Variants in SORCS3 observed in about 807,000 individuals in gnomAD.
SORCS3 encodes VPS10 domain-containing receptor SorCS3.
Under a neutral mutation model 146.3 loss-of-function variants are expected in SORCS3, and 57 were observed. That is an observed-to-expected ratio of 0.39 (90% confidence interval 0.31 to 0.49). The LOEUF (loss-of-function observed/expected upper bound fraction) is 0.49, where lower values mean the gene tolerates loss of function less well. Ranked by LOEUF, SORCS3 falls within the 20% of genes least tolerant of loss-of-function variation. SORCS3 has a pLI of 0.92. For missense variants in SORCS3, 1,341 were observed against 1,575.5 expected (o/e 0.85, Z 2.52); for synonymous variants, 653 against 618.5 (o/e 1.06, Z -0.83).
chr10:104,969,469 T>C (rs1468035271), intron 3 of SORCS3, among the ~76,000 whole-genome samples: 5 of 152,112 alleles, frequency 3.3e-5, no homozygotes, highest in Non-Finnish European at 5.9e-5. Flanking sequence ...CTATATCACA[T>C]GATTTGTATG....
intron 2 of SORCS3, among the ~76,000 whole-genome samples, chr10:104,853,675 T>C (rs956967682): frequency 1.3e-5 from 2 of 152,214 alleles, no homozygotes; most frequent in African/African-American, 4.8e-5. Flanking sequence ...AAGAGTTTCC[T>C]GGCCCAGCTG....
At chr10:104,820,425 A>G (rs1295017689) in intron 1 of SORCS3, among the ~76,000 whole-genome samples, 3 of 152,244 alleles carry the variant, frequency 2.0e-5, no homozygotes, top group Non-Finnish European at 4.4e-5. Flanking sequence ...ATGTTTATAA[A>G]CATCTACTAT....
chr10:105,181,698 C>T (rs1035001786), intron 14 of SORCS3, among the ~76,000 whole-genome samples: 1 of 152,152 alleles, frequency 6.6e-6, no homozygotes, highest in Non-Finnish European at 1.5e-5. Context: ...GTAATGGGAA[C>T]CATCTAGTCT....
At chr10:105,183,509 T>C (rs1037525277) in intron 14 of SORCS3, among the ~76,000 whole-genome samples, 2 of 152,196 alleles carry the variant, frequency 1.3e-5, no homozygotes, top group Non-Finnish European at 2.9e-5. Flanking sequence ...CTCTAGTAAC[T>C]GCATCCGATA....
At chr10:105,086,614 T>G (rs1257960836) in intron 5 of SORCS3, among the ~76,000 whole-genome samples, 1 of 152,192 alleles carries the variant, frequency 6.6e-6, no homozygotes, top group Non-Finnish European at 1.5e-5. Context: ...AGGCAGAGAC[T>G]TTTCTTTCTT....
Position 104,762,592 on chromosome 10 carries a change from T to C in SORCS3, c.628-80200T>C, listed in dbSNP as rs562494770. 3.5e-4 allele frequency among the ~76,000 whole-genome samples: 53 copies of C among 152,178 alleles called. 1 individual carries two copies. Among genetic ancestry groups the C allele is most frequent in the Non-Finnish European group, 6.6e-4 (45 of 68,026 alleles). On this transcript the variant is annotated intron_variant, in intron 1 of 26. Coordinates refer to ENST00000369701, the MANE Select transcript of SORCS3 (RefSeq NM_014978.3). ...GTCCCTGCCCAAATCTCATCTCAAA[T>C]TGTAATCCTAATGTGTCGAGGGAAG...
intron 1 of SORCS3, among the ~76,000 whole-genome samples, chr10:104,817,034 A>G (rs1001890023): frequency 6.6e-6 from 1 of 152,172 alleles, no homozygotes; most frequent in African/African-American, 2.4e-5. Flanking sequence ...CTGGGGCACC[A>G]CAGTGTCTGT....
At chr10:104,763,755 C>T (rs1424576015) in intron 1 of SORCS3, among the ~76,000 whole-genome samples, 4 of 152,010 alleles carry the variant, frequency 2.6e-5, no homozygotes, top group Non-Finnish European at 5.9e-5. Context: ...AATTGTAATC[C>T]CCATAATCTT....
At chr10:105,212,963 A>C (rs553313812) in intron 17 of SORCS3, among the ~76,000 whole-genome samples, 26 of 152,308 alleles carry the variant, frequency 1.7e-4, no homozygotes, top group Admixed American at 3.3e-4. Flanking sequence ...CCACATTAAA[A>C]ATGTAAAAAA....
chr10:105,095,039 C>A (rs1207827901), intron 6 of SORCS3, among the ~76,000 whole-genome samples: 1 of 152,154 alleles, frequency 6.6e-6, no homozygotes, highest in East Asian at 1.9e-4. Flanking sequence ...TATATTTCCC[C>A]CAGCTGCAGT....
intron 13 of SORCS3, among the ~76,000 whole-genome samples, chr10:105,175,839 C>T (rs1040197230): frequency 1.1e-4 from 16 of 152,188 alleles, no homozygotes; most frequent in Admixed American, 5.9e-4. Flanking sequence ...CATTCGTGAA[C>T]ATGGATCAAG....
Position 105,252,795 on chromosome 10 carries a change from C to G in SORCS3, c.3126C>G (p.Asp1042Glu), listed in dbSNP as rs1334580946. 1 of 1,614,018 alleles carries G rather than the reference C, an allele frequency of 6.2e-7. No individual in the cohort carries two copies. Among genetic ancestry groups the G allele is most frequent in the Non-Finnish European group, 8.5e-7 (1 of 1,179,956 alleles). Reference sequence around the variant, plus strand: ...TGCAGGTAACCAGTGTCCCAGAGGACCAGATCCTCATTGCCGTGTTTCCTG... The same window carrying G: ...TGCAGGTAACCAGTGTCCCAGAGGAGCAGATCCTCATTGCCGTGTTTCCTG... ...ALVKVTSVPE[D>E]QILIAVFPGL... The change falls in exon 23 of 27, where the codon GAC (aspartate) becomes GAG (glutamate). Residue 1042 changes from aspartate (D) to glutamate (E), a missense_variant. By Grantham distance (45) the Asp-to-Glu change is conservative. Transcript: ENST00000369701.
intron 7 of SORCS3, among the ~76,000 whole-genome samples, chr10:105,109,375 C>A (rs2055844315): frequency 6.6e-6 from 1 of 152,108 alleles, no homozygotes; most frequent in Non-Finnish European, 1.5e-5. Context: ...TTGTTGACGT[C>A]ATCATTTTAG....
chr10:105,032,772 C>G (rs952547322), intron 4 of SORCS3, among the ~76,000 whole-genome samples: 7 of 151,956 alleles, frequency 4.6e-5, no homozygotes, highest in African/African-American at 7.3e-5. Flanking sequence ...AAATCTGAAC[C>G]TGGAAAATAA....
chr10:104,873,323 C>G (rs1223449777), intron 2 of SORCS3, among the ~76,000 whole-genome samples: 1 of 152,172 alleles, frequency 6.6e-6, no homozygotes, highest in Non-Finnish European at 1.5e-5. Flanking sequence ...TGCTGGAAAT[C>G]CATTCATTCC....
intron 4 of SORCS3, among the ~76,000 whole-genome samples, chr10:105,030,014 G>A (rs1225246402): frequency 1.3e-5 from 2 of 152,160 alleles, no homozygotes; most frequent in Non-Finnish European, 2.9e-5. Flanking sequence ...TTTGAGAGCT[G>A]CTATTCTGGG....
chr10:104,847,929 C>A (rs2018226212), intron 2 of SORCS3, among the ~76,000 whole-genome samples: 1 of 152,000 alleles, frequency 6.6e-6, no homozygotes, highest in Non-Finnish European at 1.5e-5. Flanking sequence ...CCAGGCACTT[C>A]CTGCTGGAGA....
intron 1 of SORCS3, among the ~76,000 whole-genome samples, chr10:104,647,097 G>A (rs139912438): frequency 3.3e-5 from 5 of 152,310 alleles, no homozygotes; most frequent in South Asian, 2.1e-4. Context: ...AGCTACCATA[G>A]CCAGGAGTGT....
chr10:105,123,056 G>T (rs902835188), intron 7 of SORCS3, among the ~76,000 whole-genome samples: 3 of 152,244 alleles, frequency 2.0e-5, no homozygotes, highest in East Asian at 3.8e-4. Context: ...CAAATCTTCT[G>T]TTGTTGTTCT....
Sources: allele counts gnomAD v4.1 joint callset (sites outside exome capture counted in the v4.1 genomes callset), GRCh38; gene constraint gnomAD v4.1.1; transcripts MANE v1.5; gene names NCBI Gene and HGNC (gene_info 2026-07-23, HGNC 2026-07-21).